PDE6B: variants seen among roughly 807,000 people sequenced by gnomAD.
PDE6B encodes phosphodiesterase 6B.
PDE6B carries 106 observed loss-of-function variants against 109.0 expected under a neutral mutation model. The ratio of observed to expected loss-of-function variants is 0.97; its 90% CI spans 0.83 to 1.14. The LOEUF (loss-of-function observed/expected upper bound fraction) is 1.14. Among genes scored for constraint, PDE6B ranks in the 50% most tolerant of loss-of-function variants. The pLI is 0.00. For synonymous variants in PDE6B, 490 were observed against 471.3 expected, an observed-to-expected ratio of 1.04 and a Z score of -0.51; for missense variants, 1,193 against 1,155.6, an observed-to-expected ratio of 1.03 and a Z score of -0.47.
Position 633,995 on chromosome 4 carries a change from G to A in PDE6B, c.469-682G>A, listed in dbSNP as rs1303690673. ...TCTAAATCTGGTGGGAGTGAGGGTA[G>A]GAGTGAGGGTGGGTGGGTACCCCCT... is the stretch of plus-strand genomic sequence containing the variant. On this transcript the variant is annotated intron_variant, in intron 1 of 21. Coordinates refer to ENST00000496514, the MANE Select transcript of PDE6B (RefSeq NM_000283.4). The surrounding 1 kb of genome is among the most constrained non-coding windows in gnomAD (Gnocchi z 4.5). Among the ~76,000 whole-genome samples, 2 of 152,040 alleles carry A rather than the reference G, an allele frequency of 1.3e-5. No individual in the cohort carries two copies. The highest frequency in any genetic ancestry group is 2.9e-5 in the Non-Finnish European group (2 of 67,964).
intron 21 of PDE6B, 33 bp downstream of exon 21, chr4:668,039 T>G: frequency 6.3e-7 from 1 of 1,596,876 alleles, no homozygotes; most frequent in Non-Finnish European, 8.5e-7. Context: ...GGGCAGGGAC[T>G]CGGTGACTCT....
intron 11 of PDE6B, among the ~76,000 whole-genome samples, chr4:660,034 T>C (rs59817973): frequency 2.6e-3 from 392 of 152,320 alleles, no homozygotes; most frequent in African/African-American, 8.9e-3. Flanking sequence ...TCTGCACGTG[T>C]GTGCCTGCAT....
chr4:636,213 G>C lies in PDE6B; in HGVS notation c.711+244G>C, dbSNP rs1244225984. 6.6e-6 allele frequency among the ~76,000 whole-genome samples: 1 copy of C among 152,234 alleles called. No individual in the cohort carries two copies. Among genetic ancestry groups the C allele is most frequent in the Non-Finnish European group, 1.5e-5 (1 of 68,040 alleles). ...AGTGGGTGTGAGGCACCTGCAGAGG[G>C]GGAAAGGGGCACCTTTCCTAGAGGC... On this transcript the variant is annotated intron_variant, in intron 3 of 21. Transcript: ENST00000496514. This position sits in a 1 kb window ranked among gnomAD's most constrained non-coding sequence, Gnocchi z 4.5.
rs537451489 is a variant in PDE6B, at chr4:634,905, G to A, written c.621+76G>A. The A allele has an allele frequency of 6.6e-5, 86 of 1,298,628 alleles. 1 individual carries two copies. The highest frequency in any genetic ancestry group is 4.4e-4 in the East Asian group (19 of 42,712). 80.4% of individuals were successfully genotyped at this position (1,298,628 alleles called of 1,614,324 possible). On this transcript the variant is annotated intron_variant, in intron 2 of 21. Coordinates refer to ENST00000496514, the MANE Select transcript of PDE6B (RefSeq NM_000283.4). Reference sequence around the variant, plus strand: ...TGCCCGCCCGCCTGTTCTGTGCTGCGCATCCACCTCTTTACCTGCCTGCCC... The same window carrying A: ...TGCCCGCCCGCCTGTTCTGTGCTGCACATCCACCTCTTTACCTGCCTGCCC...
intron 6 of PDE6B, chr4:655,211 G>T (rs1736075640): frequency 4.7e-6 from 2 of 421,902 alleles, no homozygotes; most frequent in East Asian, 5.0e-5. Context: ...GAGCATGAAG[G>T]CCCCAGGATT....
At chr4:637,446 T>C (rs28687729) in intron 3 of PDE6B, among the ~76,000 whole-genome samples, 8,108 of 152,076 alleles carry the variant, frequency 0.053, 345 homozygotes, top group African/African-American at 0.12. Context: ...GTCTCCAACT[T>C]CTGACCTCAA....
At chr4:653,751 A>T in intron 3 of PDE6B, 101 bp from the exon 4 acceptor site, 1 of 1,291,480 alleles carries the variant, frequency 7.7e-7, no homozygotes, top group Non-Finnish European at 1.1e-6. Context: ...CAGATCAGGG[A>T]GCGCACCTGT....
At chr4:627,080 C>T (rs1414712157) in intron 1 of PDE6B, among the ~76,000 whole-genome samples, 1 of 152,036 alleles carries the variant, frequency 6.6e-6, no homozygotes, top group Non-Finnish European at 1.5e-5. Context: ...GCTGCCAGCC[C>T]AGGGGCAGGT....
chr4:659,997 CTG>C (rs1393510520), intron 11 of PDE6B, among the ~76,000 whole-genome samples: 1 of 151,882 alleles, frequency 6.6e-6, no homozygotes, highest in African/African-American at 2.4e-5. Flanking sequence ...TACCTCATGG[CTG>C]TGTGTGTGAG....
Position 667,858 on chromosome 4 carries a change from G to A in PDE6B, c.2355G>A (p.Glu785=). The part of the protein sequence containing the change: ...IDFVCTFVYK[E]FSRFHEEILP... ...GGTGACTTCTCGACTCCCCTCAGGAGTTCTCTCGTTTCCACGAAGAGATCC... is the reference window on the plus strand; with the variant it reads ...GGTGACTTCTCGACTCCCCTCAGGAATTCTCTCGTTTCCACGAAGAGATCC... The change falls in exon 21 of 22, where the codon GAG becomes GAA. Residue 785 remains glutamate, a splice_region_variant and synonymous_variant. Transcript: ENST00000496514. 1.9e-6 allele frequency: 3 copies of A among 1,613,022 alleles called. No individual in the cohort carries two copies. The highest frequency in any genetic ancestry group is 2.5e-6 in the Non-Finnish European group (3 of 1,179,426).
chr4:650,836 G>A (rs1470436559), intron 3 of PDE6B, among the ~76,000 whole-genome samples: 3 of 152,158 alleles, frequency 2.0e-5, no homozygotes, highest in Non-Finnish European at 4.4e-5. Context: ...AGCCCGAGCC[G>A]GCAGCGAAAA....
At chr4:657,233 C>T (rs71602495) in intron 9 of PDE6B, 118 bp from the exon 10 acceptor site, 16,374 of 1,273,054 alleles carry the variant, frequency 0.013, 158 homozygotes, top group Non-Finnish European at 0.016. Flanking sequence ...AGAAGCACTG[C>T]GACACCATGG....
At chr4:668,598 CG>C (rs1355479017) in intron 21 of PDE6B, among the ~76,000 whole-genome samples, 5 of 125,688 alleles carry the variant, frequency 4.0e-5, no homozygotes, top group East Asian at 2.3e-4. Flanking sequence ...ATGCTATTCC[CG>C]CTACCCCATG....
chr4:632,804 G>A (rs982049059), intron 1 of PDE6B, among the ~76,000 whole-genome samples: 1 of 151,522 alleles, frequency 6.6e-6, no homozygotes, highest in Non-Finnish European at 1.5e-5. Flanking sequence ...TGGTGCCGAG[G>A]GTCACATTGT....
At chr4:640,778 A>G (rs1734912340) in intron 3 of PDE6B, among the ~76,000 whole-genome samples, 1 of 152,192 alleles carries the variant, frequency 6.6e-6, no homozygotes, top group Non-Finnish European at 1.5e-5. Flanking sequence ...TTGATCCAGC[A>G]CCATATGTAG....
In PDE6B at chr4:633,211, G is replaced by A. The variant is rs1202708797; in HGVS notation, c.469-1466G>A. On this transcript the variant is annotated intron_variant, in intron 1 of 21. Transcript: ENST00000496514. This position sits in a 1 kb window ranked among gnomAD's most constrained non-coding sequence, Gnocchi z 4.5. ...AGCCCTCAGGGGTTGCAGGTGGTGA[G>A]ATGAGCCCTCCCTCAGGGCCCATCC... Among the ~76,000 whole-genome samples the A allele has an allele frequency of 6.6e-5, 10 of 152,132 alleles. No homozygotes were observed. The highest frequency in any genetic ancestry group is 6.6e-4 in the Admixed American group (10 of 15,264).
At chr4:668,605 C>G (rs1333780809) in intron 21 of PDE6B, among the ~76,000 whole-genome samples, 2 of 137,662 alleles carry the variant, frequency 1.5e-5, no homozygotes, top group Non-Finnish European at 3.1e-5. Flanking sequence ...TCCCGCTACC[C>G]CATGCTATTC....
At chr4:652,266 CGGCACTGAGGATGCTGCCAGGGAAG>C (rs1466945498) in intron 3 of PDE6B, 3 of 152,808 alleles carry the variant, frequency 2.0e-5, no homozygotes, top group Admixed American at 1.3e-4. Context: ...ACAGCAGAGC[CGGCACTGAGGATGCTGCCAGGGAAG>C]GGCACTGACG....
rs1734711160 is a variant in PDE6B, at chr4:636,895, A to G, written c.711+926A>G. 6.6e-6 allele frequency among the ~76,000 whole-genome samples: 1 copy of G among 152,122 alleles called. No homozygotes were observed. The highest frequency in any genetic ancestry group is 6.5e-5 in the Admixed American group (1 of 15,282). ...TCCAGCCAGTGGACACCTGTGAGAA[A>G]ACCCCCCGGAGGGAAGTCTCAGCCC... is the stretch of plus-strand genomic sequence containing the variant. On this transcript the variant is annotated intron_variant, in intron 3 of 21. Coordinates refer to ENST00000496514, the MANE Select transcript of PDE6B (RefSeq NM_000283.4). This position sits in a 1 kb window ranked among gnomAD's most constrained non-coding sequence, Gnocchi z 4.5.
Sources: allele counts gnomAD v4.1 joint callset (sites outside exome capture counted in the v4.1 genomes callset), GRCh38; gene constraint gnomAD v4.1.1; non-coding constraint Gnocchi (gnomAD v3.1); transcripts MANE v1.5; gene names NCBI Gene and HGNC (gene_info 2026-07-23, HGNC 2026-07-21).